Variants in GLYAT observed in about 807,000 individuals in gnomAD.
GLYAT encodes the protein glycine N-acyltransferase.
Under a neutral mutation model 22.8 loss-of-function variants are expected in GLYAT, and 25 were observed. The observed-to-expected ratio is 1.09, with a 90% confidence interval of 0.80 to 1.53. GLYAT has a LOEUF of 1.53. GLYAT is among the 40% of genes most tolerant of loss of function. The probability of loss-of-function intolerance (pLI) is 0.00; values close to 1 mark genes in which losing one functional copy is unlikely to be tolerated. For missense variants in GLYAT, 411 were observed against 353.9 expected (o/e 1.16, Z -1.29); for synonymous variants, 140 against 122.7 (o/e 1.14, Z -0.93).
Position 58,729,347 on chromosome 11 carries a change from C to T in GLYAT, c.-16+2488G>A, listed in dbSNP as rs151026617. ...TAAGTCACTCCCTTTTCTGTGCTCT[C>T]ATAAGTGTTTATGCATATTTTAATT... On this transcript the variant is annotated intron_variant, in intron 1 of 5. Transcript: ENST00000344743. 2.6e-3 allele frequency among the ~76,000 whole-genome samples: 392 copies of T among 152,284 alleles called. 2 individuals are homozygous for T. The highest frequency in any genetic ancestry group is 3.7e-3 in the Non-Finnish European group (251 of 68,012).
At chr11:58,720,916 A>G (rs558131515) in intron 2 of GLYAT, among the ~76,000 whole-genome samples, 26 of 152,150 alleles carry the variant, frequency 1.7e-4, no homozygotes, top group African/African-American at 5.5e-4. Context: ...TTTTAAAGCT[A>G]GCTTATTTAT....
chr11:58,719,832 GT>G (rs1345315860), intron 2 of GLYAT, among the ~76,000 whole-genome samples: 2 of 151,870 alleles, frequency 1.3e-5, no homozygotes, highest in Non-Finnish European at 2.9e-5. Flanking sequence ...TTTTATCTCA[GT>G]TTTTTTCTAA....
intron 2 of GLYAT, among the ~76,000 whole-genome samples, chr11:58,716,402 A>G (rs1856680826): frequency 6.6e-6 from 1 of 152,056 alleles, no homozygotes; most frequent in Non-Finnish European, 1.5e-5. Flanking sequence ...CCCCACATGA[A>G]ATACTGATGT....
chr11:58,711,128 C>T (rs1276053024), intron 4 of GLYAT, among the ~76,000 whole-genome samples: 3 of 152,230 alleles, frequency 2.0e-5, no homozygotes, highest in African/African-American at 4.8e-5. Context: ...TCCAAGCAAG[C>T]ATTAGGCCAT....
chr11:58,730,832 C>A (rs564237616), intron 1 of GLYAT, among the ~76,000 whole-genome samples: 3 of 152,264 alleles, frequency 2.0e-5, no homozygotes, highest in African/African-American at 4.8e-5. Context: ...CAAGTCTGAA[C>A]AAAATCTCTA....
intron 1 of GLYAT, among the ~76,000 whole-genome samples, chr11:58,725,086 A>G (rs959580397): frequency 5.9e-5 from 9 of 152,020 alleles, no homozygotes; most frequent in Non-Finnish European, 1.0e-4. Context: ...TATATATTGC[A>G]TGATGTTTTG....
intron 1 of GLYAT, among the ~76,000 whole-genome samples, chr11:58,726,864 C>A (rs1021978561): frequency 6.6e-6 from 1 of 151,950 alleles, no homozygotes; most frequent in African/African-American, 2.4e-5. Flanking sequence ...AACAGCAATG[C>A]TTGGATTTGA....
chr11:58,715,795 C>CA (rs780548500), intron 2 of GLYAT, among the ~76,000 whole-genome samples: 35 of 152,238 alleles, frequency 2.3e-4, no homozygotes, highest in Middle Eastern at 6.8e-3. Context: ...AATTTCATTA[C>CA]ATGGATGCAT....
chr11:58,724,177 A>C, intron 2 of GLYAT: 1 of 414,182 alleles, frequency 2.4e-6, no homozygotes, highest in South Asian at 6.2e-5. Context: ...TTCATATCAT[A>C]GCATTGCAAC....
intron 1 of GLYAT, among the ~76,000 whole-genome samples, chr11:58,728,468 G>T (rs1393835343): frequency 6.6e-6 from 1 of 152,086 alleles, no homozygotes. Flanking sequence ...AATTGAGGTT[G>T]CTGCAGACCC....
intron 2 of GLYAT, among the ~76,000 whole-genome samples, chr11:58,719,165 CA>C (rs1856719228): frequency 6.6e-6 from 1 of 151,932 alleles, no homozygotes. Flanking sequence ...CTTGAAATTA[CA>C]AAATAGGATT....
At chr11:58,712,693 T>A (rs1351359300) in intron 4 of GLYAT, 67 bp downstream of exon 4, 2 of 1,375,478 alleles carry the variant, frequency 1.5e-6, no homozygotes, top group Non-Finnish European at 2.1e-6. Context: ...GAAGGAGGTA[T>A]AAGTCATATG....
At chr11:58,716,998 T>C (rs11229595) in intron 2 of GLYAT, among the ~76,000 whole-genome samples, 27,925 of 152,096 alleles carry the variant, frequency 0.18, 2,717 homozygotes, top group East Asian at 0.26. Flanking sequence ...TTGTGTTATT[T>C]TGAGTTTCTG....
At position 58,731,844 on chromosome 11, in the gene GLYAT, T is replaced by C. The variant is rs1252719550; in HGVS notation, c.-25A>G. 6.6e-6 allele frequency: 1 copy of C among 152,166 alleles called. No individual in the cohort carries two copies. Among genetic ancestry groups the C allele is most frequent in the East Asian group, 1.9e-4 (1 of 5,188 alleles). 9.4% of individuals were successfully genotyped at this position (152,166 alleles called of 1,614,324 possible). On this transcript the variant is annotated 5_prime_UTR_variant, in exon 1 of 6. Coordinates refer to ENST00000344743, the MANE Select transcript of GLYAT (RefSeq NM_201648.3). Reference sequence around the variant, plus strand: ...TGTAATGAGTCCTCACCTGAAAAGCTAGTCTCTGCAGATGTTTCCGGGAAG... The same window carrying C: ...TGTAATGAGTCCTCACCTGAAAAGCCAGTCTCTGCAGATGTTTCCGGGAAG...
rs185009119 is a variant in GLYAT, at chr11:58,722,509, C to T, written c.81+1907G>A. The stretch of plus-strand genomic sequence containing the variant: ...AAGAAGGGACATTTTGAAGCAATGG[C>T]AGGAAGACTTGAAGCAGGGAGAAAG... On this transcript the variant is annotated intron_variant, in intron 2 of 5. Coordinates refer to ENST00000344743, the MANE Select transcript of GLYAT (RefSeq NM_201648.3). Among the ~76,000 whole-genome samples, 197 of 152,088 alleles carry T rather than the reference C, an allele frequency of 1.3e-3. No homozygotes were observed. In the Middle Eastern group the frequency reaches 0.024, roughly 18 times the overall value.
chr11:58,731,145 T>C (rs931931410), intron 1 of GLYAT, among the ~76,000 whole-genome samples: 1 of 152,202 alleles, frequency 6.6e-6, no homozygotes, highest in African/African-American at 2.4e-5. Context: ...ATCTTGTCTG[T>C]ATTCTTGTCT....
chr11:58,727,188 A>G (rs1590675036), intron 1 of GLYAT, among the ~76,000 whole-genome samples: 1 of 152,148 alleles, frequency 6.6e-6, no homozygotes, highest in East Asian at 1.9e-4. Context: ...GTACCAACAG[A>G]TAGGGACAGG....
chr11:58,709,743 C>T lies in GLYAT; in HGVS notation c.*23G>A. 6.3e-7 allele frequency: 1 copy of T among 1,586,466 alleles called. No homozygotes were observed. Among genetic ancestry groups the T allele is most frequent in the Non-Finnish European group, 8.6e-7 (1 of 1,164,610 alleles). On this transcript the variant is annotated 3_prime_UTR_variant, in exon 6 of 6. Coordinates refer to ENST00000344743, the MANE Select transcript of GLYAT (RefSeq NM_201648.3). ...ATTATACGCCCAGACCTGCCCAACA[C>T]TGTCTTATGTTCAGGATTGGCATCA...
At chr11:58,717,450 A>T (rs1856697751) in intron 2 of GLYAT, among the ~76,000 whole-genome samples, 1 of 152,108 alleles carries the variant, frequency 6.6e-6, no homozygotes, top group Non-Finnish European at 1.5e-5. Context: ...GTATGTAAAC[A>T]GGTTGCTGTT....
Sources: allele counts gnomAD v4.1 joint callset (sites outside exome capture counted in the v4.1 genomes callset), GRCh38; gene constraint gnomAD v4.1.1; transcripts MANE v1.5; gene names NCBI Gene and HGNC (gene_info 2026-07-23, HGNC 2026-07-21).